FRY: variants seen among roughly 807,000 people sequenced by gnomAD.
FRY encodes the protein protein furry homolog.
FRY carries 128 observed loss-of-function variants against 348.4 expected under a neutral mutation model. The observed-to-expected ratio is 0.37, with a 90% CI of 0.32 to 0.43. FRY has a LOEUF of 0.43. Ranked by LOEUF, FRY falls within the 20% of genes least tolerant of loss-of-function variation. The pLI is 1.00. For synonymous variants in FRY, 1,370 were observed against 1,374.7 expected (o/e 1.00, Z 0.08); for missense variants, 2,736 against 3,695.2 (o/e 0.74, Z 6.73).
chr13:32,244,539 A>G (rs1294049461), intron 47 of FRY, among the ~76,000 whole-genome samples: 1 of 152,216 alleles, frequency 6.6e-6, no homozygotes, highest in Non-Finnish European at 1.5e-5. Context: ...AGGAACTTTC[A>G]CATGTGCCGG....
intron 1 of FRY, among the ~76,000 whole-genome samples, chr13:32,060,514 T>C (rs1314087888): frequency 6.6e-6 from 1 of 152,200 alleles, no homozygotes; most frequent in South Asian, 2.1e-4. Flanking sequence ...TTCTCTGCTG[T>C]TGGTTTTGTC....
chr13:32,257,958 A>G, intron 51 of FRY: 4 of 1,607,482 alleles, frequency 2.5e-6, no homozygotes, highest in Non-Finnish European at 3.4e-6. Flanking sequence ...TCAATCTGCT[A>G]CCCAGGAACT....
intron 35 of FRY, among the ~76,000 whole-genome samples, chr13:32,213,345 C>T (rs756419254): frequency 2.0e-5 from 3 of 152,180 alleles, no homozygotes; most frequent in Non-Finnish European, 4.4e-5. Flanking sequence ...AATTCAGGCA[C>T]CAGCCAGATT....
chr13:32,119,420 A>G (rs1449129721), intron 4 of FRY, among the ~76,000 whole-genome samples: 1 of 152,250 alleles, frequency 6.6e-6, no homozygotes, highest in East Asian at 1.9e-4. Flanking sequence ...CCAGCAATAA[A>G]GTTGAATTCA....
In FRY at chr13:32,267,346, C is replaced by G. The variant is rs765968590; in HGVS notation, c.8123C>G (p.Ser2708Cys). 8 of 1,613,978 alleles carry G rather than the reference C, an allele frequency of 5.0e-6. No homozygotes were observed. The highest frequency in any genetic ancestry group is 6.8e-6 in the Non-Finnish European group (8 of 1,179,910). Reference protein sequence around the residue: ...SCAVYTFHVFSSLFKNIQKRF... With the variant: ...SCAVYTFHVFCSLFKNIQKRF... ...GCTGTGTATACATTTCATGTGTTCT[C>G]CTCCTTGTTTAAGGTATGTGTGCTC... is the stretch of plus-strand genomic sequence containing the variant. Residue 2708 changes from serine to cysteine, a missense_variant, in exon 55 of 61, where the codon TCC becomes TGC. Coordinates refer to ENST00000542859, the MANE Select transcript of FRY (RefSeq NM_023037.3).
At chr13:32,230,416 G>A (rs1333966969) in intron 40 of FRY, among the ~76,000 whole-genome samples, 1 of 152,164 alleles carries the variant, frequency 6.6e-6, no homozygotes, top group Non-Finnish European at 1.5e-5. Flanking sequence ...TTTTTATGGT[G>A]GCACACTATT....
chr13:32,244,719 A>T (rs181311234), intron 47 of FRY, among the ~76,000 whole-genome samples: 14 of 152,346 alleles, frequency 9.2e-5, no homozygotes, highest in African/African-American at 3.4e-4. Flanking sequence ...ACAAAATGTG[A>T]ATAGTTGATG....
intron 50 of FRY, among the ~76,000 whole-genome samples, chr13:32,253,946 T>TAC (rs10627998): frequency 0.26 from 39,857 of 151,130 alleles, 5,463 homozygotes; most frequent in Non-Finnish European, 0.3. Context: ...CACACACACA[T>TAC]ACACACACAC....
intron 29 of FRY, among the ~76,000 whole-genome samples, chr13:32,199,679 G>A (rs1883890285): frequency 6.6e-6 from 1 of 152,162 alleles, no homozygotes; most frequent in Non-Finnish European, 1.5e-5. Flanking sequence ...GGCGGACCCT[G>A]TAGCCCTATG....
At chr13:32,228,805 C>T in intron 40 of FRY, 151 bp downstream of exon 40, 2 of 737,328 alleles carry the variant, frequency 2.7e-6, no homozygotes, top group Non-Finnish European at 4.9e-6. Context: ...TCTGTGTGAA[C>T]AGACACTGAG....
chr13:32,075,462 GT>G (rs1332534175), intron 1 of FRY, among the ~76,000 whole-genome samples: 4 of 152,096 alleles, frequency 2.6e-5, no homozygotes, highest in African/African-American at 9.7e-5. Flanking sequence ...GTAATTTTCT[GT>G]TTCCAGACTA....
chr13:32,139,074 A>G lies in FRY; in HGVS notation c.1179+2102A>G, dbSNP rs115487502. 5.4e-3 allele frequency among the ~76,000 whole-genome samples: 817 copies of G among 152,348 alleles called. 5 individuals are homozygous for G. Among genetic ancestry groups the G allele is most frequent in the African/African-American group, 0.019 (786 of 41,578 alleles). On this transcript the variant is annotated intron_variant, in intron 11 of 60. Transcript: ENST00000542859. ...TATAAAAATATCCTTGATAAGATAA[A>G]AATGAAATAAAATTGTATTGCATAT...
intron 17 of FRY, among the ~76,000 whole-genome samples, chr13:32,161,541 A>G (rs1255740066): frequency 6.6e-6 from 1 of 152,230 alleles, no homozygotes; most frequent in Non-Finnish European, 1.5e-5. Flanking sequence ...AGAGATTACT[A>G]TGGACTGGGG....
intron 16 of FRY, among the ~76,000 whole-genome samples, chr13:32,160,847 G>A (rs1446742480): frequency 2.6e-5 from 4 of 152,132 alleles, no homozygotes; most frequent in Non-Finnish European, 5.9e-5. Context: ...CTGTGATTCT[G>A]GTATTTTAAA....
intron 59 of FRY, among the ~76,000 whole-genome samples, chr13:32,292,339 C>G (rs146351439): frequency 7.2e-5 from 11 of 152,158 alleles, no homozygotes; most frequent in African/African-American, 2.4e-4. Context: ...AGAACATTGT[C>G]AAAATGACAA....
In FRY at chr13:32,178,838, T is replaced by C; in HGVS notation, c.2682-6T>C. 1 of 1,602,560 alleles carries C rather than the reference T, an allele frequency of 6.2e-7. No individual in the cohort carries two copies. Among genetic ancestry groups the C allele is most frequent in the Non-Finnish European group, 8.6e-7 (1 of 1,169,430 alleles). On this transcript the variant is annotated splice_polypyrimidine_tract_variant and splice_region_variant and intron_variant, in intron 21 of 60. Coordinates refer to ENST00000542859, the MANE Select transcript of FRY (RefSeq NM_023037.3). ...TTCACTCTTGTTTTCGACTCCATAT[T>C]TCTAGTAGCCCAATTAATGCCAAGA...
intron 17 of FRY, among the ~76,000 whole-genome samples, chr13:32,161,823 C>T (rs9567325): frequency 0.31 from 47,343 of 152,076 alleles, 7,660 homozygotes; most frequent in East Asian, 0.56. Context: ...TATTTATCAC[C>T]TTCCCAATGC....
intron 29 of FRY, among the ~76,000 whole-genome samples, chr13:32,196,323 G>A (rs995764482): frequency 1.3e-5 from 2 of 152,030 alleles, no homozygotes; most frequent in Non-Finnish European, 2.9e-5. Context: ...TATTTGTAGA[G>A]GAATATGACA....
chr13:32,257,014 T>C (rs1224371792), intron 51 of FRY, among the ~76,000 whole-genome samples: 1 of 152,232 alleles, frequency 6.6e-6, no homozygotes, highest in Non-Finnish European at 1.5e-5. Flanking sequence ...CTTCAGGCTG[T>C]GTATTTAAGG....
Sources: allele counts gnomAD v4.1 joint callset (sites outside exome capture counted in the v4.1 genomes callset), GRCh38; gene constraint gnomAD v4.1.1; transcripts MANE v1.5; gene names NCBI Gene and HGNC (gene_info 2026-07-23, HGNC 2026-07-21).